The following TLR8 variants were observed in gnomAD, a reference collection of about 807,000 sequenced individuals.
The protein encoded by TLR8 is toll-like receptor 8.
A neutral mutation model predicts 18.5 loss-of-function variants in TLR8; 5 were observed. The ratio of observed to expected loss-of-function variants is 0.27; its 90% CI spans 0.14 to 0.57. The LOEUF (loss-of-function observed/expected upper bound fraction) is 0.57, where lower values mean the gene tolerates loss of function less well. TLR8 is among the 20% of genes least tolerant of loss of function. The probability of loss-of-function intolerance (pLI) is 0.92; values close to 1 mark genes in which losing one functional copy is unlikely to be tolerated. For synonymous variants in TLR8, 299 were observed against 300.1 expected, an observed-to-expected ratio of 1.00 and a Z score of 0.04; for missense variants, 543 against 769.8, an observed-to-expected ratio of 0.71 and a Z score of 3.49.
intron 1 of TLR8, among the ~76,000 whole-genome samples, chrX:12,907,859 T>C (rs966958473): frequency 8.1e-5 from 9 of 111,328 alleles, no homozygotes; most frequent in Non-Finnish European, 1.7e-4. Flanking sequence ...CTAATGTTCA[T>C]TATGGATCTT....
rs754875907 is a variant in TLR8, at chrX:12,922,188, G to A, written c.*22G>A. On this transcript the variant is annotated 3_prime_UTR_variant, in exon 2 of 2. Coordinates refer to ENST00000218032, the MANE Select transcript of TLR8 (RefSeq NM_138636.5). The stretch of plus-strand genomic sequence containing the variant: ...CTAACTGACGTTAAGTCATGATTTC[G>A]CGCCATAATAAAGATGCAAAGGAAT... The A allele has an allele frequency of 2.1e-5, 25 of 1,166,268 alleles. No individual in the cohort carries two copies. Among genetic ancestry groups the A allele is most frequent in the South Asian group, 6.0e-5 (3 of 50,145 alleles).
intron 1 of TLR8, among the ~76,000 whole-genome samples, chrX:12,907,926 T>C (rs17256081): frequency 0.37 from 40,694 of 111,171 alleles, 5,751 homozygotes; most frequent in Non-Finnish European, 0.45. Context: ...TGACTGTAGG[T>C]GGCCCATATG....
chrX:12,913,598 T>C (rs2043035269), intron 1 of TLR8, among the ~76,000 whole-genome samples: 1 of 112,803 alleles, frequency 8.9e-6, no homozygotes, highest in Non-Finnish European at 1.9e-5. Flanking sequence ...CTACTACTCA[T>C]AGGCATTTAG....
intron 1 of TLR8, among the ~76,000 whole-genome samples, chrX:12,909,566 G>A (rs182385032): frequency 5.5e-4 from 62 of 111,991 alleles, no homozygotes; most frequent in Non-Finnish European, 1.0e-3. Context: ...AAAGAATCTG[G>A]AAGTTCTCTG....
intron 1 of TLR8, among the ~76,000 whole-genome samples, chrX:12,917,892 G>A (rs186781715): frequency 2.9e-4 from 33 of 112,149 alleles, no homozygotes; most frequent in Non-Finnish European, 6.0e-4. Context: ...TCAGGCACGA[G>A]GATTTCAAAA....
In TLR8 at chrX:12,919,442, C is replaced by T. The variant is rs1330342922; in HGVS notation, c.402C>T (p.Asp134=). Residue 134 remains aspartate, a synonymous_variant, in exon 2 of 2, where the codon GAC becomes GAT. Transcript: ENST00000218032. The part of the protein sequence containing the change: ...LKNLRELLLE[D]NQLPQIPSGL... ...ACCTAAGGGAGTTACTGCTTGAAGA[C>T]AACCAGTTACCCCAAATACCCTCTG... 1.7e-6 allele frequency: 2 copies of T among 1,209,223 alleles called. No individual in the cohort carries two copies. The highest frequency in any genetic ancestry group is 3.5e-5 in the African/African-American group (2 of 57,151).
At chrX:12,915,815 T>A (rs1205596939) in intron 1 of TLR8, among the ~76,000 whole-genome samples, 2 of 112,384 alleles carry the variant, frequency 1.8e-5, no homozygotes, top group Non-Finnish European at 3.8e-5. Context: ...AAAAATTCCT[T>A]TGACATCTTG....
At chrX:12,911,388 T>G (rs1258289222) in intron 1 of TLR8, among the ~76,000 whole-genome samples, 2 of 111,915 alleles carry the variant, frequency 1.8e-5, no homozygotes, top group Non-Finnish European at 3.8e-5. Context: ...TAGCTAGCAA[T>G]TCTTGATGCT....
intron 1 of TLR8, chrX:12,910,478 G>A (rs2043013594): frequency 1.7e-6 from 2 of 1,155,614 alleles, no homozygotes; most frequent in Non-Finnish European, 2.3e-6. Flanking sequence ...ACAGCTTTAC[G>A]CCCCTCCCAG....
chrX:12,917,258 T>A (rs1461421144), intron 1 of TLR8, among the ~76,000 whole-genome samples: 2 of 112,317 alleles, frequency 1.8e-5, no homozygotes, highest in Non-Finnish European at 3.8e-5. Context: ...ATCACGATAG[T>A]GCTGCATTTG....
intron 1 of TLR8, among the ~76,000 whole-genome samples, chrX:12,907,448 T>C (rs1332292684): frequency 2.7e-5 from 3 of 112,421 alleles, no homozygotes; most frequent in Non-Finnish European, 5.6e-5. Flanking sequence ...AATTGAAAAG[T>C]CTGATTTCAA....
chrX:12,915,991 C>T (rs766781293), intron 1 of TLR8, among the ~76,000 whole-genome samples: 42 of 110,782 alleles, frequency 3.8e-4, no homozygotes, highest in Admixed American at 7.7e-4. Context: ...AAGTGATTCT[C>T]CTGCCTCAAC....
chrX:12,917,639 T>C (rs2043064381), intron 1 of TLR8, among the ~76,000 whole-genome samples: 2 of 112,190 alleles, frequency 1.8e-5, no homozygotes, highest in Non-Finnish European at 3.8e-5. Flanking sequence ...TATTGCATTG[T>C]ATGGTTACCA....
rs2043102856 is a variant in TLR8, at chrX:12,922,479, T to C, written c.*313T>C. ...CCAAAGGCTATACTCATGTAAGCCA[T>C]GCGAGCCTCTCCCACAAGGCAGCTT... On this transcript the variant is annotated 3_prime_UTR_variant, in exon 2 of 2. Transcript: ENST00000218032. 3 of 205,080 alleles carry C rather than the reference T, an allele frequency of 1.5e-5. No homozygotes were observed. The highest frequency in any genetic ancestry group is 2.9e-5 in the African/African-American group (1 of 34,163). 16.9% of individuals were successfully genotyped at this position (205,080 alleles called of 1,213,427 possible). A position where few individuals can be genotyped will look rare whatever the true frequency, so the allele number is the denominator to read the frequency against.
Position 12,921,446 on chromosome X carries a change from T to C in TLR8, c.2406T>C (p.Ile802=). The change falls in exon 2 of 2, where the codon ATT becomes ATC. Residue 802 remains isoleucine (I), a synonymous_variant. Coordinates refer to ENST00000218032, the MANE Select transcript of TLR8 (RefSeq NM_138636.5). ...AAATTCCCAGACTGGTAGATGTCAT[T>C]TGTGCCAGTCCTGGGGATCAAAGAG... ...NVKIPRLVDV[I]CASPGDQRGK... is the part of the protein sequence containing the mutation. 1 of 1,211,882 alleles carries C rather than the reference T, an allele frequency of 8.3e-7. No homozygotes were observed. The highest frequency in any genetic ancestry group is 1.8e-5 in the South Asian group (1 of 56,997).
chrX:12,910,431 G>T (rs1292941025), intron 1 of TLR8: 1 of 1,167,658 alleles, frequency 8.6e-7, no homozygotes, highest in Non-Finnish European at 1.1e-6. Flanking sequence ...CCTGGGAAAG[G>T]AGACTAAAAA....
intron 1 of TLR8, among the ~76,000 whole-genome samples, chrX:12,912,158 T>C (rs1265824943): frequency 1.8e-5 from 2 of 112,223 alleles, no homozygotes; most frequent in African/African-American, 3.2e-5. Context: ...CTCTAAGTTA[T>C]TGTAGAGTTG....
intron 1 of TLR8, among the ~76,000 whole-genome samples, chrX:12,917,979 T>C (rs2043066657): frequency 8.9e-6 from 1 of 112,203 alleles, no homozygotes; most frequent in Admixed American, 9.4e-5. Context: ...TGCTACAGCA[T>C]ACCATCCTTC....
chrX:12,914,607 A>C (rs775400064), intron 1 of TLR8, among the ~76,000 whole-genome samples: 2 of 111,446 alleles, frequency 1.8e-5, no homozygotes, highest in East Asian at 2.8e-4. Flanking sequence ...CTCTGATTGC[A>C]TCCCTCTCCC....
Sources: allele counts gnomAD v4.1 joint callset (sites outside exome capture counted in the v4.1 genomes callset), GRCh38; gene constraint gnomAD v4.1.1; transcripts MANE v1.5; gene names NCBI Gene and HGNC (gene_info 2026-07-23, HGNC 2026-07-21).